The following CSMD1 variants were observed in gnomAD, a reference collection of about 807,000 sequenced individuals.
CSMD1 encodes the protein CUB and sushi domain-containing protein 1.
Under a neutral mutation model 417.5 loss-of-function variants are expected in CSMD1, and 213 were observed. The ratio of observed to expected loss-of-function variants is 0.51; its 90% CI spans 0.46 to 0.57. The LOEUF (loss-of-function observed/expected upper bound fraction) is 0.57, where lower values mean the gene tolerates loss of function less well. Among genes scored for constraint, CSMD1 ranks in the 20% least tolerant of loss-of-function variants. The pLI is 0.00. For missense variants in CSMD1, 6,923 were observed against 4,529.7 expected (o/e 1.53, Z -15.17); for synonymous variants, 2,862 against 1,736.8 (o/e 1.65, Z -16.11).
chr8:4,115,249 A>G (rs920410031), intron 3 of CSMD1, among the ~76,000 whole-genome samples: 1 of 152,242 alleles, frequency 6.6e-6, no homozygotes, highest in Non-Finnish European at 1.5e-5. Flanking sequence ...TTCCAGTAGC[A>G]AAAAGATTAT....
chr8:4,195,358 C>T (rs533195307), intron 3 of CSMD1, among the ~76,000 whole-genome samples: 2 of 152,294 alleles, frequency 1.3e-5, no homozygotes, highest in South Asian at 4.1e-4. Flanking sequence ...ATCACCCTAA[C>T]AAATTGGATC....
At chr8:4,302,626 T>C (rs1467044052) in intron 3 of CSMD1, among the ~76,000 whole-genome samples, 1 of 152,204 alleles carries the variant, frequency 6.6e-6, no homozygotes, top group African/African-American at 2.4e-5. Flanking sequence ...GTTGTGTTTT[T>C]CTCTGACACA....
rs1154049 is a variant in CSMD1, at chr8:4,425,780, G to T, written c.303-5715C>A. On this transcript the variant is annotated intron_variant, in intron 2 of 69. Transcript: ENST00000635120. The stretch of plus-strand genomic sequence containing the variant: ...CAATAATCCACACAGGTGTCTTGCA[G>T]TAGCAAGTCTTCCTTCTGTCATTCA... Among the ~76,000 whole-genome samples, 1,103 of 152,254 alleles carry T rather than the reference G, an allele frequency of 7.2e-3. 12 individuals carry two copies. Among genetic ancestry groups the T allele is most frequent in the African/African-American group, 0.024 (1,018 of 41,570 alleles).
At chr8:4,559,869 G>A (rs577177478) in intron 2 of CSMD1, among the ~76,000 whole-genome samples, 1 of 152,326 alleles carries the variant, frequency 6.6e-6, no homozygotes, top group South Asian at 2.1e-4. Flanking sequence ...CCCTTCTCCA[G>A]GAAAACGTTC....
chr8:4,154,952 T>C (rs570980204), intron 3 of CSMD1, among the ~76,000 whole-genome samples: 9 of 152,182 alleles, frequency 5.9e-5, no homozygotes, highest in Admixed American at 2.0e-4. Context: ...AAATGTTATA[T>C]TGAAAATTAA....
chr8:4,340,778 T>C (rs576126283), intron 3 of CSMD1, among the ~76,000 whole-genome samples: 93 of 152,260 alleles, frequency 6.1e-4, no homozygotes, highest in Non-Finnish European at 1.1e-3. Context: ...AGCAAACTCA[T>C]AATGGTTGCT....
At chr8:3,963,197 G>T (rs1812442882) in intron 5 of CSMD1, among the ~76,000 whole-genome samples, 1 of 152,116 alleles carries the variant, frequency 6.6e-6, no homozygotes, top group African/African-American at 2.4e-5. Flanking sequence ...CTCCCAAAGT[G>T]CTGGGATCAC....
chr8:4,901,905 T>A (rs1479984369), intron 1 of CSMD1, among the ~76,000 whole-genome samples: 1 of 152,078 alleles, frequency 6.6e-6, no homozygotes, highest in African/African-American at 2.4e-5. Flanking sequence ...CCATTTACCC[T>A]AAATACGTTA....
chr8:3,046,723 A>G (rs1291088826), intron 50 of CSMD1, among the ~76,000 whole-genome samples: 1 of 152,198 alleles, frequency 6.6e-6, no homozygotes, highest in Non-Finnish European at 1.5e-5. Flanking sequence ...TCCCCGCAGC[A>G]GCTGAAGACT....
intron 3 of CSMD1, among the ~76,000 whole-genome samples, chr8:4,190,823 T>G (rs531443598): frequency 1.3e-5 from 2 of 152,162 alleles, no homozygotes; most frequent in African/African-American, 4.8e-5. Flanking sequence ...CTGGGGGCCA[T>G]TACCCTTCGC....
chr8:3,577,874 G>A (rs1800217275), intron 9 of CSMD1, among the ~76,000 whole-genome samples: 1 of 152,122 alleles, frequency 6.6e-6, no homozygotes, highest in Admixed American at 6.6e-5. Flanking sequence ...ATCACCCTCA[G>A]TTTTTCAAAT....
intron 19 of CSMD1, 56 bp downstream of exon 19, chr8:3,369,198 C>T (rs973905087): frequency 7.1e-5 from 60 of 840,282 alleles, no homozygotes; most frequent in Middle Eastern, 2.2e-4. Context: ...GTTTTGTTCC[C>T]GTTTTTCTGT....
chr8:3,205,288 C>T (rs748468697), intron 31 of CSMD1, among the ~76,000 whole-genome samples: 4 of 152,062 alleles, frequency 2.6e-5, no homozygotes, highest in African/African-American at 4.8e-5. Flanking sequence ...GGATCATAAC[C>T]CTAGAGGGGA....
At chr8:4,903,810 C>A (rs2117054941) in intron 1 of CSMD1, among the ~76,000 whole-genome samples, 1 of 152,192 alleles carries the variant, frequency 6.6e-6, no homozygotes, top group East Asian at 1.9e-4. Context: ...GTTAGCCTGG[C>A]TCTTCAAACT....
At chr8:3,223,678 G>C in intron 28 of CSMD1, 51 bp downstream of exon 28, 2 of 1,579,210 alleles carry the variant, frequency 1.3e-6, no homozygotes, top group Non-Finnish European at 1.7e-6. Flanking sequence ...TAATTTTTAG[G>C]TATGGAATTA....
rs139222215 is a variant in CSMD1 at position 4,804,966 on chromosome 8, A to G, written c.86-167408T>C. Reference sequence around the variant, plus strand: ...CAAAAAGGGATAGGAACTTGAAATTAATTTCCACTTCCTGGTAAACACATA... The same window carrying G: ...CAAAAAGGGATAGGAACTTGAAATTGATTTCCACTTCCTGGTAAACACATA... On this transcript the variant is annotated intron_variant, in intron 1 of 69. Transcript: ENST00000635120. 4.3e-3 allele frequency among the ~76,000 whole-genome samples: 654 copies of G among 152,344 alleles called. 3 individuals are homozygous for G. Among genetic ancestry groups the G allele is most frequent in the Non-Finnish European group, 7.6e-3 (518 of 68,038 alleles).
intron 2 of CSMD1, among the ~76,000 whole-genome samples, chr8:4,516,126 T>G (rs964422097): frequency 6.6e-6 from 1 of 151,866 alleles, no homozygotes; most frequent in South Asian, 2.1e-4. Flanking sequence ...AGAGAGTAAT[T>G]AAGATTAAAA....
intron 5 of CSMD1, among the ~76,000 whole-genome samples, chr8:3,776,097 T>C (rs970561038): frequency 6.6e-6 from 1 of 151,974 alleles, no homozygotes; most frequent in South Asian, 2.1e-4. Flanking sequence ...TCTTTCCCCA[T>C]CCTCCCCCAT....
chr8:3,605,294 G>A (rs1395009617), intron 8 of CSMD1, among the ~76,000 whole-genome samples: 3 of 152,166 alleles, frequency 2.0e-5, no homozygotes, highest in Non-Finnish European at 2.9e-5. Flanking sequence ...CCAGATGAAA[G>A]CAATTCTTAC....
Sources: allele counts gnomAD v4.1 joint callset (sites outside exome capture counted in the v4.1 genomes callset), GRCh38; gene constraint gnomAD v4.1.1; transcripts MANE v1.5; gene names NCBI Gene and HGNC (gene_info 2026-07-23, HGNC 2026-07-21).